Variants in OPCML observed in about 807,000 individuals in gnomAD.
The protein encoded by OPCML is opioid binding protein/cell adhesion molecule like.
OPCML carries 13 observed loss-of-function variants against 37.8 expected under a neutral mutation model. That is an observed-to-expected ratio of 0.34 (90% CI 0.22 to 0.55). The LOEUF (loss-of-function observed/expected upper bound fraction) is 0.55. OPCML is among the 20% of genes least tolerant of loss of function. OPCML has a pLI of 0.91. For missense variants in OPCML, 341 were observed against 435.6 expected (o/e 0.78, Z 1.93); for synonymous variants, 176 against 168.8 (o/e 1.04, Z -0.33).
intron 1 of OPCML, among the ~76,000 whole-genome samples, chr11:133,099,537 T>C (rs746448342): frequency 6.6e-6 from 1 of 151,434 alleles, no homozygotes; most frequent in African/African-American, 2.4e-5. Flanking sequence ...TTCACCCACC[T>C]TGGGCTCCCA....
At chr11:133,075,152 C>T (rs1409765819) in intron 1 of OPCML, among the ~76,000 whole-genome samples, 2 of 152,190 alleles carry the variant, frequency 1.3e-5, no homozygotes, top group Admixed American at 6.5e-5. Context: ...CCCCATACCC[C>T]CTTTCTTAAA....
intron 1 of OPCML, among the ~76,000 whole-genome samples, chr11:133,486,030 A>T (rs1334974707): frequency 6.6e-6 from 1 of 152,212 alleles, no homozygotes; most frequent in African/African-American, 2.4e-5. Context: ...TATGTGTGTT[A>T]GAGGATCTTT....
intron 1 of OPCML, among the ~76,000 whole-genome samples, chr11:133,187,126 A>G (rs576385282): frequency 1.3e-5 from 2 of 152,276 alleles, no homozygotes; most frequent in Admixed American, 6.5e-5. Context: ...CTGAGAATAG[A>G]CTGCAGGGAA....
intron 1 of OPCML, among the ~76,000 whole-genome samples, chr11:132,968,390 C>T (rs575486719): frequency 6.7e-4 from 102 of 152,264 alleles, no homozygotes; most frequent in African/African-American, 2.5e-3. Context: ...TCTGTGGAGT[C>T]CTGAGGTATG....
intron 3 of OPCML, among the ~76,000 whole-genome samples, chr11:132,598,425 C>A (rs1177476889): frequency 6.6e-6 from 1 of 152,128 alleles, no homozygotes; most frequent in Non-Finnish European, 1.5e-5. Flanking sequence ...TGCTCAATAT[C>A]TCAAACTATT....
At chr11:132,719,441 T>C (rs1944604091) in intron 2 of OPCML, among the ~76,000 whole-genome samples, 1 of 152,110 alleles carries the variant, frequency 6.6e-6, no homozygotes, top group Non-Finnish European at 1.5e-5. Context: ...GGGAGGGGTG[T>C]GACTGCGGTA....
intron 1 of OPCML, among the ~76,000 whole-genome samples, chr11:132,995,879 C>T (rs1345274136): frequency 6.6e-6 from 1 of 152,128 alleles, no homozygotes; most frequent in Non-Finnish European, 1.5e-5. Context: ...GCTAACTCTG[C>T]GAGGCAGGAA....
At chr11:133,238,445 G>T (rs1390826957) in intron 1 of OPCML, among the ~76,000 whole-genome samples, 1 of 152,176 alleles carries the variant, frequency 6.6e-6, no homozygotes, top group African/African-American at 2.4e-5. Context: ...CAGCTCTATT[G>T]GCTTAAATAA....
intron 1 of OPCML, among the ~76,000 whole-genome samples, chr11:133,437,279 A>G (rs1946253262): frequency 6.6e-6 from 1 of 152,158 alleles, no homozygotes; most frequent in Admixed American, 6.5e-5. Context: ...GACGGAAGCC[A>G]TTATCAATAA....
intron 3 of OPCML, among the ~76,000 whole-genome samples, chr11:132,652,438 T>C (rs922731681): frequency 6.6e-6 from 1 of 151,750 alleles, no homozygotes; most frequent in African/African-American, 2.4e-5. Context: ...GAACTAACTT[T>C]GGATGTTGTT....
chr11:133,021,139 G>C (rs1418664469), intron 1 of OPCML, among the ~76,000 whole-genome samples: 1 of 152,110 alleles, frequency 6.6e-6, no homozygotes, highest in East Asian at 1.9e-4. Context: ...ACTGAATTAG[G>C]CATCAAGATG....
intron 2 of OPCML, among the ~76,000 whole-genome samples, chr11:132,745,409 C>A (rs1198529035): frequency 6.6e-6 from 1 of 152,070 alleles, no homozygotes; most frequent in Non-Finnish European, 1.5e-5. Context: ...GAGAATGAGA[C>A]ATTACCAGAA....
In OPCML at chr11:133,127,469, C is replaced by T. The variant is rs137961287; in HGVS notation, c.62-184459G>A. Among the ~76,000 whole-genome samples the T allele has an allele frequency of 7.3e-3, 1,111 of 151,808 alleles. 14 individuals are homozygous for T. Among genetic ancestry groups the T allele is most frequent in the African/African-American group, 0.025 (1,027 of 41,408 alleles). Reference sequence around the variant, plus strand: ...GCAACCTGGAAAAACCCTGTCTCTACAAAAAATACAAAAATTAGCCAGGCA... The same window carrying T: ...GCAACCTGGAAAAACCCTGTCTCTATAAAAAATACAAAAATTAGCCAGGCA... On this transcript the variant is annotated intron_variant, in intron 1 of 7. Transcript: ENST00000524381.
intron 1 of OPCML, among the ~76,000 whole-genome samples, chr11:133,451,120 C>T (rs1946573019): frequency 6.6e-6 from 1 of 151,590 alleles, no homozygotes; most frequent in Non-Finnish European, 1.5e-5. Context: ...AAAATTTCCT[C>T]CTGAGAGAAA....
At chr11:132,716,263 T>A (rs994469146) in intron 2 of OPCML, among the ~76,000 whole-genome samples, 5 of 152,162 alleles carry the variant, frequency 3.3e-5, no homozygotes, top group Non-Finnish European at 7.3e-5. Flanking sequence ...TCCCAGAGGC[T>A]CAGAAGCGCT....
intron 1 of OPCML, among the ~76,000 whole-genome samples, chr11:133,344,626 C>G (rs1943954904): frequency 6.6e-6 from 1 of 152,190 alleles, no homozygotes; most frequent in South Asian, 2.1e-4. Flanking sequence ...GGAGCCCCAC[C>G]TCCTACTTCT....
chr11:132,914,416 A>G (rs1038610122), intron 2 of OPCML, among the ~76,000 whole-genome samples: 2 of 152,198 alleles, frequency 1.3e-5, no homozygotes, highest in Admixed American at 6.5e-5. Context: ...GTTCCAATAT[A>G]ATATTTATGG....
intron 1 of OPCML, among the ~76,000 whole-genome samples, chr11:132,964,605 C>T (rs1453902259): frequency 2.6e-5 from 4 of 152,148 alleles, no homozygotes; most frequent in Non-Finnish European, 4.4e-5. Context: ...TACAAACCTG[C>T]TCACCAGTCC....
chr11:132,576,998 T>G (rs55969708), intron 3 of OPCML, among the ~76,000 whole-genome samples: 18,150 of 152,216 alleles, frequency 0.12, 1,346 homozygotes, highest in East Asian at 0.21. Context: ...GCATGCTGGA[T>G]GCACAAACCA....
Sources: gnomAD v4.1 joint callset for allele counts (sites outside exome capture counted in the v4.1 genomes callset) on GRCh38, gnomAD v4.1.1 for gene constraint, MANE v1.5 for transcripts, NCBI Gene and HGNC (gene_info 2026-07-23, HGNC 2026-07-21) for gene names.